The following RBMS1 variants were observed in gnomAD, a reference collection of about 807,000 sequenced individuals.
RBMS1 encodes RNA binding motif single stranded interacting protein 1, also known as RNA-binding motif, single-stranded-interacting protein 1.
Under a neutral mutation model 62.3 loss-of-function variants are expected in RBMS1, and 17 were observed. The observed-to-expected ratio is 0.27, with a 90% CI of 0.19 to 0.41. The LOEUF is 0.41. Among genes scored for constraint, RBMS1 ranks in the 10% least tolerant of loss-of-function variants. RBMS1 has a pLI of 1.00. For synonymous variants in RBMS1, 172 were observed against 170.0 expected (o/e 1.01, Z -0.09); for missense variants, 334 against 504.5 (o/e 0.66, Z 3.24).
chr2:160,338,041 T>C (rs1186714350), intron 2 of RBMS1, among the ~76,000 whole-genome samples: 4 of 152,118 alleles, frequency 2.6e-5, no homozygotes, highest in African/African-American at 7.2e-5. Flanking sequence ...GTAGAAAGCT[T>C]TGGTGACAGC....
At chr2:160,332,798 T>C (rs529478256) in intron 2 of RBMS1, among the ~76,000 whole-genome samples, 1 of 151,902 alleles carries the variant, frequency 6.6e-6, no homozygotes, top group African/African-American at 2.4e-5. Flanking sequence ...GGTCAAAGCA[T>C]GGAACCAGAA....
At chr2:160,320,549 T>C (rs920255534) in intron 2 of RBMS1, among the ~76,000 whole-genome samples, 1 of 152,182 alleles carries the variant, frequency 6.6e-6, no homozygotes, top group Non-Finnish European at 1.5e-5. Flanking sequence ...GGATCCCTCA[T>C]GAATAGCTTG....
At chr2:160,473,930 G>A (rs1685026153) in intron 1 of RBMS1, among the ~76,000 whole-genome samples, 1 of 152,060 alleles carries the variant, frequency 6.6e-6, no homozygotes, top group Non-Finnish European at 1.5e-5. Context: ...TTTTAGTAGT[G>A]TTTACCTGGT....
intron 2 of RBMS1, among the ~76,000 whole-genome samples, chr2:160,362,228 G>A (rs76102741): frequency 2.6e-5 from 4 of 152,298 alleles, no homozygotes; most frequent in African/African-American, 4.8e-5. Context: ...CAATAAGGAC[G>A]TTTTGCTTTC....
chr2:160,466,046 AAAGTGTTTT>A (rs959335289), intron 1 of RBMS1, among the ~76,000 whole-genome samples: 5 of 152,302 alleles, frequency 3.3e-5, no homozygotes, highest in South Asian at 2.1e-4. Flanking sequence ...ATATACACAC[AAAGTGTTTT>A]AAGTGTTTTA....
chr2:160,461,594 T>A (rs1684468084), intron 1 of RBMS1, among the ~76,000 whole-genome samples: 1 of 152,254 alleles, frequency 6.6e-6, no homozygotes, highest in Non-Finnish European at 1.5e-5. Flanking sequence ...TCGGGAGCGC[T>A]ATAGGCCAAG....
At chr2:160,305,096 AC>A (rs776399436) in intron 4 of RBMS1, among the ~76,000 whole-genome samples, 11 of 152,134 alleles carry the variant, frequency 7.2e-5, no homozygotes, top group Non-Finnish European at 1.3e-4. Context: ...CTTGTGATCC[AC>A]CCACCTTGGC....
At chr2:160,436,183 C>T (rs1309851695) in intron 1 of RBMS1, among the ~76,000 whole-genome samples, 1 of 152,192 alleles carries the variant, frequency 6.6e-6, no homozygotes, top group Non-Finnish European at 1.5e-5. Context: ...CGTCTCTGCT[C>T]GAATTTGGGC....
rs192443274 is a variant in RBMS1, at chr2:160,306,107, C to T, written c.403-2620G>A. Reference sequence around the variant, plus strand: ...TCATGCTACTGCATTCCAGCCTGGGCAAGAGCAAGATTGTTTCTCTCGTGT... The same window carrying T: ...TCATGCTACTGCATTCCAGCCTGGGTAAGAGCAAGATTGTTTCTCTCGTGT... On this transcript the variant is annotated intron_variant, in intron 4 of 13. Transcript: ENST00000348849. Among the ~76,000 whole-genome samples the T allele has an allele frequency of 1.1e-4, 16 of 149,966 alleles. No individual in the cohort carries two copies. The East Asian group carries it at 3.2e-3, about 30-fold the overall frequency.
At chr2:160,411,160 T>G (rs1053280747) in intron 1 of RBMS1, among the ~76,000 whole-genome samples, 1 of 152,182 alleles carries the variant, frequency 6.6e-6, no homozygotes, top group African/African-American at 2.4e-5. Context: ...CAAGGGCAAC[T>G]GACAGGCCAG....
rs959302297 is a variant in RBMS1, at chr2:160,407,793, G to T, written c.76-40402C>A. The T allele has an allele frequency of 6.2e-4, 611 of 981,210 alleles. 1 individual carries two copies. Among genetic ancestry groups the T allele is most frequent in the Non-Finnish European group, 7.1e-4 (584 of 828,320 alleles). 60.8% of individuals were successfully genotyped at this position (981,210 alleles called of 1,614,324 possible). On this transcript the variant is annotated intron_variant, in intron 1 of 13. Coordinates refer to ENST00000348849, the MANE Select transcript of RBMS1 (RefSeq NM_016836.4). ...AGCTCGGGCAGCCGCCGCCCTGCGT[G>T]CCATGGACGGGAGTTCGCGCGCGGA...
intron 1 of RBMS1, among the ~76,000 whole-genome samples, chr2:160,439,104 C>T (rs1442935136): frequency 1.3e-5 from 2 of 149,670 alleles, no homozygotes; most frequent in Admixed American, 1.3e-4. Context: ...GGCAGAGGCA[C>T]CCCTCACCTG....
At chr2:160,293,394 A>G (rs1688778045) in intron 6 of RBMS1, among the ~76,000 whole-genome samples, 1 of 152,218 alleles carries the variant, frequency 6.6e-6, no homozygotes, top group Non-Finnish European at 1.5e-5. Context: ...TCAGAGTAAC[A>G]CAGAAAGCAG....
chr2:160,365,985 T>A (rs527923805), intron 2 of RBMS1, among the ~76,000 whole-genome samples: 3 of 152,276 alleles, frequency 2.0e-5, no homozygotes, highest in African/African-American at 7.2e-5. Flanking sequence ...AGGACATTAT[T>A]TCACTGCCCC....
At chr2:160,321,862 T>C (rs1257398586) in intron 2 of RBMS1, among the ~76,000 whole-genome samples, 6 of 152,236 alleles carry the variant, frequency 3.9e-5, no homozygotes, top group African/African-American at 7.2e-5. Context: ...AAACACATAA[T>C]AGTTCTCCCT....
Position 160,274,659 on chromosome 2 carries a change from A to G in RBMS1, c.*113T>C, listed in dbSNP as rs1687737049. The stretch of plus-strand genomic sequence containing the variant: ...TTCATTATAAATAACGTTTTCAAGA[A>G]CCTGTGCAAAACTGTCAATAATTTC... On this transcript the variant is annotated 3_prime_UTR_variant, in exon 14 of 14. Transcript: ENST00000348849. The G allele has an allele frequency of 6.6e-6, 1 of 152,344 alleles. No homozygotes were observed. Among genetic ancestry groups the G allele is most frequent in the African/African-American group, 2.4e-5 (1 of 41,364 alleles). The allele number at this position is 152,344 out of a possible 1,614,324, so 9.4% of individuals were successfully genotyped here.
chr2:160,430,265 C>A (rs113663841), intron 1 of RBMS1, among the ~76,000 whole-genome samples: 156 of 152,276 alleles, frequency 1.0e-3, no homozygotes, highest in African/African-American at 3.7e-3. Context: ...ATTTTTAAGT[C>A]ATTTTAAGTT....
chr2:160,377,479 T>A (rs1332768963), intron 1 of RBMS1, among the ~76,000 whole-genome samples: 2 of 152,232 alleles, frequency 1.3e-5, no homozygotes, highest in Admixed American at 1.3e-4. Flanking sequence ...GTTTTGCTCA[T>A]GCACAAGGCA....
chr2:160,471,716 T>TATATATATATATATATAGAA (rs371634389), intron 1 of RBMS1, among the ~76,000 whole-genome samples: 1 of 76,234 alleles, frequency 1.3e-5, no homozygotes, highest in African/African-American at 4.4e-5. Context: ...TATATATATA[T>TATATATATATATATATAGAA]AACCTTTCAT....
Sources: gnomAD v4.1 joint callset for allele counts (sites outside exome capture counted in the v4.1 genomes callset) on GRCh38, gnomAD v4.1.1 for gene constraint, MANE v1.5 for transcripts, NCBI Gene and HGNC (gene_info 2026-07-23, HGNC 2026-07-21) for gene names.